SORBS2: variants seen among roughly 807,000 people sequenced by gnomAD.
SORBS2 encodes sorbin and SH3 domain containing 2.
Under a neutral mutation model 97.7 loss-of-function variants are expected in SORBS2, and 46 were observed. That is an observed-to-expected ratio of 0.47 (90% CI 0.37 to 0.60). SORBS2 has a LOEUF of 0.60. Among genes scored for constraint, SORBS2 ranks in the 20% least tolerant of loss-of-function variants. The pLI is 0.00. For synonymous variants in SORBS2, 476 were observed against 473.4 expected (o/e 1.01, Z -0.07); for missense variants, 1,316 against 1,282.3 (o/e 1.03, Z -0.40).
chr4:185,634,834 G>T (rs2153437900), intron 4 of SORBS2, among the ~76,000 whole-genome samples: 1 of 152,286 alleles, frequency 6.6e-6, no homozygotes, highest in Non-Finnish European at 1.5e-5. Flanking sequence ...AAACTGGGAA[G>T]TTGTGATACA....
At position 185,731,864 on chromosome 4, in the gene SORBS2, CTCTATATATATATA is replaced by C. The variant is rs1481163135; in HGVS notation, c.-198+43349_-198+43362del. On this transcript the variant is annotated intron_variant, in intron 2 of 20. Transcript: ENST00000284776. Reference sequence around the variant, plus strand: ...TCTCTCTCTCTCTCTCTCTCTCTCTCTCTATATATATATATATATATATATATATATATATATAT... The same window carrying C: ...TCTCTCTCTCTCTCTCTCTCTCTCTCTATATATATATATATATATATATAT... Among the ~76,000 whole-genome samples the C allele has an allele frequency of 5.8e-3, 169 of 29,000 alleles. 1 individual carries two copies. The highest frequency in any genetic ancestry group is 0.019 in the Middle Eastern group (1 of 54). 19.0% of individuals were successfully genotyped at this position (29,000 alleles called of 152,430 possible).
At chr4:185,608,415 G>A (rs1419066217) in intron 12 of SORBS2, among the ~76,000 whole-genome samples, 3 of 152,056 alleles carry the variant, frequency 2.0e-5, no homozygotes, top group Non-Finnish European at 2.9e-5. Context: ...ACGGGAGGGA[G>A]GACTTCTGCT....
chr4:185,778,971 T>A (rs896616684), intron 1 of SORBS2, among the ~76,000 whole-genome samples: 2 of 152,226 alleles, frequency 1.3e-5, no homozygotes, highest in Admixed American at 1.3e-4. Flanking sequence ...AATAACCTCA[T>A]TAGTTTGCCG....
chr4:185,722,839 A>C (rs375203183), intron 2 of SORBS2, among the ~76,000 whole-genome samples: 2 of 152,226 alleles, frequency 1.3e-5, no homozygotes, highest in East Asian at 1.9e-4. Context: ...CCAGGAAAAT[A>C]AACAGTTTTC....
In SORBS2 at chr4:185,950,372, T is replaced by C. The variant is rs116045178; in HGVS notation, c.-338+5824A>G. Among the ~76,000 whole-genome samples, 214 of 152,244 alleles carry C rather than the reference T, an allele frequency of 1.4e-3. 1 individual carries two copies. The highest frequency in any genetic ancestry group is 4.9e-3 in the African/African-American group (205 of 41,548). On this transcript the variant is annotated intron_variant, in intron 1 of 20. Transcript: ENST00000284776. ...CCCAGACCTGAAGAACATAATGGAA[T>C]TAGAGGCAGATGAAGTATAAAATCT... is the stretch of plus-strand genomic sequence containing the variant.
chr4:185,675,017 C>T (rs2097771567), intron 4 of SORBS2: 2 of 152,202 alleles, frequency 1.3e-5, no homozygotes, highest in African/African-American at 2.4e-5. Flanking sequence ...AACTCTGTTA[C>T]TAGAACAGAC....
At chr4:185,591,867 T>A (rs918391754) in intron 13 of SORBS2, 20 of 152,228 alleles carry the variant, frequency 1.3e-4, no homozygotes, top group African/African-American at 4.6e-4. Context: ...AAAGCCAGCA[T>A]GTTTGTCCAA....
chr4:185,615,093 C>T lies in SORBS2; in HGVS notation c.2418G>A (p.Glu806=), dbSNP rs572857199. 438 of 1,614,082 alleles carry T rather than the reference C, an allele frequency of 2.7e-4. 4 individuals are homozygous for T. In the South Asian group the frequency reaches 3.0e-3, roughly 11 times the overall value. ...TGCCCACTCTCCCGTGGTGTTCTCC[C>T]TCATACCAATTTTGATCAATTTTCC... The change falls in exon 10 of 15, where the codon GAG becomes GAA. Residue 806 remains glutamate (E), a synonymous_variant. Coordinates refer to ENST00000418609, the Ensembl canonical transcript of SORBS2.
rs1025563644 is a variant in SORBS2 at position 185,792,251 on chromosome 4, C to A, written c.-337-16885G>T. Among the ~76,000 whole-genome samples the A allele has an allele frequency of 1.3e-5, 2 of 152,012 alleles. 1 individual carries two copies. The highest frequency in any genetic ancestry group is 4.1e-4 in the South Asian group (2 of 4,822). Reference sequence around the variant, plus strand: ...GGCTTACGCCTATAATCCCAGCACTCGGGAGGCCAAGATGGGAGGATCACC... The same window carrying A: ...GGCTTACGCCTATAATCCCAGCACTAGGGAGGCCAAGATGGGAGGATCACC... On this transcript the variant is annotated intron_variant, in intron 1 of 20. Coordinates refer to the SORBS2 transcript ENST00000284776.
At chr4:185,731,818 G>C (rs1205529954) in intron 2 of SORBS2, among the ~76,000 whole-genome samples, 3 of 74,896 alleles carry the variant, frequency 4.0e-5, no homozygotes, top group Admixed American at 1.8e-4. Context: ...CTCCCTCCCT[G>C]CCTGTCTCTC....
chr4:185,644,097 G>T (rs1405434939), intron 4 of SORBS2, among the ~76,000 whole-genome samples: 1 of 152,162 alleles, frequency 6.6e-6, no homozygotes, highest in East Asian at 1.9e-4. Flanking sequence ...GGAAAGGCTG[G>T]CCAACATGTC....
intron 1 of SORBS2, among the ~76,000 whole-genome samples, chr4:185,949,536 G>A (rs1393998072): frequency 6.6e-6 from 1 of 152,022 alleles, no homozygotes; most frequent in African/African-American, 2.4e-5. Flanking sequence ...ACCACACTTT[G>A]GAAGAGATTA....
intron 2 of SORBS2, among the ~76,000 whole-genome samples, chr4:185,723,644 G>A (rs1319790034): frequency 6.6e-6 from 1 of 152,224 alleles, no homozygotes; most frequent in Non-Finnish European, 1.5e-5. Flanking sequence ...GGGGCTTGAG[G>A]TAGGGAGTGT....
At chr4:185,689,848 C>T (rs947904598) in intron 2 of SORBS2, among the ~76,000 whole-genome samples, 1 of 152,182 alleles carries the variant, frequency 6.6e-6, no homozygotes, top group African/African-American at 2.4e-5. Context: ...GAAATGGTAT[C>T]GTTTAAACAC....
intron 13 of SORBS2, among the ~76,000 whole-genome samples, chr4:185,591,308 C>A (rs1329998040): frequency 6.6e-6 from 1 of 152,178 alleles, no homozygotes; most frequent in Non-Finnish European, 1.5e-5. Flanking sequence ...TTCCAGTAGA[C>A]CTTACAGCCA....
intron 1 of SORBS2, among the ~76,000 whole-genome samples, chr4:185,845,120 C>T (rs147843400): frequency 0.01 from 1,515 of 151,226 alleles, 31 homozygotes; most frequent in African/African-American, 0.035. Flanking sequence ...TCAAATGATT[C>T]TCCCACCTCA....
At chr4:185,586,605 A>G (rs2095803492) in exon 15 of SORBS2, 1 of 152,650 alleles carries the variant, frequency 6.6e-6, no homozygotes, top group Non-Finnish European at 1.5e-5. Flanking sequence ...TTACATTTCC[A>G]TAAAATGTAC....
At chr4:185,687,439 A>T (rs1341121942) in intron 2 of SORBS2, among the ~76,000 whole-genome samples, 1 of 152,230 alleles carries the variant, frequency 6.6e-6, no homozygotes, top group African/African-American at 2.4e-5. Context: ...TTAGTAAGTA[A>T]TTCTTGTTAT....
intron 1 of SORBS2, among the ~76,000 whole-genome samples, chr4:185,792,722 C>G (rs967218690): frequency 1.3e-5 from 2 of 152,054 alleles, no homozygotes; most frequent in African/African-American, 2.4e-5. Flanking sequence ...TTGGTGTTCA[C>G]TTATAAATAA....
Sources: gnomAD v4.1 joint callset for allele counts (sites outside exome capture counted in the v4.1 genomes callset) on GRCh38, gnomAD v4.1.1 for gene constraint, MANE v1.5 for transcripts, NCBI Gene and HGNC (gene_info 2026-07-23, HGNC 2026-07-21) for gene names.